PKD1L1: variants seen among roughly 807,000 people sequenced by gnomAD.
PKD1L1 encodes the protein polycystin-1-like protein 1.
A neutral mutation model predicts 323.4 loss-of-function variants in PKD1L1; 236 were observed. That is an observed-to-expected ratio of 0.73 (90% CI 0.66 to 0.81). PKD1L1 has a LOEUF of 0.81. Among genes scored for constraint, PKD1L1 ranks in the 40% least tolerant of loss-of-function variants. The pLI, the probability that PKD1L1 is intolerant of heterozygous loss-of-function variation, is 0.00. For missense variants in PKD1L1, 3,320 were observed against 3,508.0 expected (o/e 0.95, Z 1.35); for synonymous variants, 1,344 against 1,335.0 (o/e 1.01, Z -0.15).
chr7:47,929,285 C>T lies in PKD1L1; in HGVS notation c.979G>A (p.Gly327Arg), dbSNP rs376405760. 13 of 1,613,998 alleles carry T rather than the reference C, an allele frequency of 8.1e-6. No individual in the cohort carries two copies. The highest frequency in any genetic ancestry group is 2.2e-5 in the South Asian group (2 of 91,082). The change falls in exon 7 of 57, where the codon GGG becomes AGG. Residue 327 changes from glycine to arginine, a missense_variant. Gly to Arg is a moderately radical substitution (Grantham distance 125, BLOSUM62 -2). Transcript: ENST00000289672. Reference protein sequence around the residue: ...GEALCLMMDFGDSSGVEMRLH... With the variant: ...GEALCLMMDFRDSSGVEMRLH... ...CTCATTTCAACCCCAGAACTGTCCC[C>T]GAAATCCATCATCAGACAGAGAGCC...
chr7:47,830,490 G>A (rs992197754), intron 42 of PKD1L1, among the ~76,000 whole-genome samples: 1 of 152,190 alleles, frequency 6.6e-6, no homozygotes. Context: ...GCAGGGGCAG[G>A]CATGATGCTA....
intron 7 of PKD1L1, 102 bp from the exon 8 acceptor site, chr7:47,915,701 C>A: frequency 1.5e-6 from 1 of 682,104 alleles, no homozygotes; most frequent in Non-Finnish European, 2.3e-6. Flanking sequence ...TTTAAATAAA[C>A]TAATGAAAAT....
chr7:47,814,612 G>A (rs1784975842), intron 47 of PKD1L1, among the ~76,000 whole-genome samples: 1 of 152,122 alleles, frequency 6.6e-6, no homozygotes, highest in Non-Finnish European at 1.5e-5. Context: ...CACCTCTCAG[G>A]TTCAAGCAAT....
At chr7:47,864,617 TTTCTTTCTTTCTTTCTTTCC>T (rs1426926205) in intron 26 of PKD1L1, among the ~76,000 whole-genome samples, 55 of 122,966 alleles carry the variant, frequency 4.5e-4, no homozygotes, top group African/African-American at 1.9e-3. Context: ...TCTTTCTTTC[TTTCTTTCTTTCTTTCTTTCC>T]TTCCTTCCTT....
At chr7:47,889,674 C>T (rs1345163840) in intron 16 of PKD1L1, among the ~76,000 whole-genome samples, 1 of 152,170 alleles carries the variant, frequency 6.6e-6, no homozygotes, top group East Asian at 1.9e-4. Flanking sequence ...TCCCAAACCA[C>T]CCAGCCCACA....
Position 47,865,221 on chromosome 7 carries a change from T to G in PKD1L1, c.4144A>C (p.Asn1382His). Residue 1382 changes from asparagine (N) to histidine (H), a missense_variant, in exon 26 of 57, where the codon AAT (asparagine) becomes CAT (histidine). Transcript: ENST00000289672. Reference protein sequence around the residue: ...LMLRDLVSFSNKLGFMSAVLI... With the variant: ...LMLRDLVSFSHKLGFMSAVLI... ...TGGGAAAAAATTGCACTTACCTTAT[T>G]AGAGAAGCTCACGAGGTCCCTCAAC... 6.2e-7 allele frequency: 1 copy of G among 1,612,604 alleles called. No individual in the cohort carries two copies. The highest frequency in any genetic ancestry group is 8.5e-7 in the Non-Finnish European group (1 of 1,179,202).
At chr7:47,919,149 C>T (rs1169322191) in intron 7 of PKD1L1, among the ~76,000 whole-genome samples, 8 of 151,956 alleles carry the variant, frequency 5.3e-5, no homozygotes, top group Non-Finnish European at 1.0e-4. Flanking sequence ...AAAAAGAAGA[C>T]AGAAAATCCA....
In PKD1L1 at chr7:47,908,208, T is replaced by C; in HGVS notation, c.1271A>G (p.His424Arg). ...AGGCCCAAGCTCCACTTCGGTTCCA[T>C]GAAACTCGTTATAAATAACAGCCTT... ...MLKAVIYNEFHGTEVELGPYY... is the reference protein window; with the variant it reads ...MLKAVIYNEFRGTEVELGPYY... The change falls in exon 9 of 57, where the codon CAT (histidine) becomes CGT (arginine). Residue 424 changes from histidine to arginine, a missense_variant. Physicochemically the swap from His to Arg is conservative, Grantham distance 29 (BLOSUM62 0). Transcript: ENST00000289672. 3 of 1,614,208 alleles carry C rather than the reference T, an allele frequency of 1.9e-6. No individual in the cohort carries two copies. Among genetic ancestry groups the C allele is most frequent in the Admixed American group, 1.7e-5 (1 of 60,018 alleles).
intron 10 of PKD1L1, 37 bp from the exon 11 acceptor site, chr7:47,905,362 A>C (rs776940489): frequency 6.3e-7 from 1 of 1,597,424 alleles, no homozygotes; most frequent in Non-Finnish European, 8.5e-7. Flanking sequence ...CTATGTCAAC[A>C]TAGGAGGGCT....
chr7:47,915,889 A>G (rs2128752813), intron 7 of PKD1L1, among the ~76,000 whole-genome samples: 1 of 152,304 alleles, frequency 6.6e-6, no homozygotes, highest in South Asian at 2.1e-4. Context: ...ACTTGAAAGA[A>G]CTAACTAGTG....
At position 47,855,161 on chromosome 7, in the gene PKD1L1, A is replaced by G. The variant is rs1583622612; in HGVS notation, c.4695T>C (p.Asp1565=). Residue 1565 remains aspartate, a synonymous_variant, in exon 29 of 57, where the codon GAT becomes GAC. Transcript: ENST00000289672. ...KPVMVEFGEE[D]GLDNRRNKTT... The stretch of plus-strand genomic sequence containing the variant: ...TGAGAAAGGCTCTCCTTACCAGGCC[A>G]TCCTCCTCCCCAAACTCGACCATCA... 6.2e-7 allele frequency: 1 copy of G among 1,614,058 alleles called. No homozygotes were observed. The highest frequency in any genetic ancestry group is 8.5e-7 in the Non-Finnish European group (1 of 1,179,926).
intron 34 of PKD1L1, 127 bp downstream of exon 34, chr7:47,842,835 T>C: frequency 1.1e-6 from 1 of 879,818 alleles, no homozygotes. Flanking sequence ...GGGCAAGCTT[T>C]GCCTCAGCAA....
chr7:47,902,775 A>G (rs1787119981), intron 12 of PKD1L1, among the ~76,000 whole-genome samples: 1 of 152,220 alleles, frequency 6.6e-6, no homozygotes, highest in African/African-American at 2.4e-5. Context: ...ATATTCAAAC[A>G]ATACATCTAT....
At chr7:47,903,594 G>A (rs967825741) in intron 12 of PKD1L1, among the ~76,000 whole-genome samples, 7 of 152,198 alleles carry the variant, frequency 4.6e-5, no homozygotes, top group African/African-American at 1.7e-4. Context: ...CTGCAGTGTG[G>A]GTTCTCATGG....
chr7:47,927,948 G>A (rs1375527525), intron 7 of PKD1L1, among the ~76,000 whole-genome samples: 1 of 152,196 alleles, frequency 6.6e-6, no homozygotes, highest in East Asian at 1.9e-4. Context: ...AGAAAGAGCT[G>A]AATAGATTTG....
chr7:47,857,854 G>A (rs749966217), intron 27 of PKD1L1, 22 bp from the exon 28 acceptor site: 10 of 1,604,396 alleles, frequency 6.2e-6, no homozygotes, highest in African/African-American at 4.0e-5. Context: ...AGCATAGGGA[G>A]TGGGATGTTT....
chr7:47,879,080 T>C (rs4720621), intron 21 of PKD1L1, among the ~76,000 whole-genome samples: 54,921 of 152,066 alleles, frequency 0.36, 11,240 homozygotes, highest in African/African-American at 0.56. Context: ...CCGTCTTGTA[T>C]CCAAAGCAGG....
chr7:47,905,879 C>G lies in PKD1L1; in HGVS notation c.1486G>C (p.Ala496Pro). Reference protein sequence around the residue: ...ISQTQVGDSQAWHSMTVWYKM... With the variant: ...ISQTQVGDSQPWHSMTVWYKM... Reference sequence around the variant, plus strand: ...TACCAGACAGTCATGCTGTGCCAAGCCTGGCTGTCACCCACTTGAGTCTGA... The same window carrying G: ...TACCAGACAGTCATGCTGTGCCAAGGCTGGCTGTCACCCACTTGAGTCTGA... The change falls in exon 10 of 57, where the codon GCT becomes CCT. Residue 496 changes from alanine (A) to proline (P), a missense_variant. Coordinates refer to ENST00000289672, the MANE Select transcript of PKD1L1 (RefSeq NM_138295.5). 6.2e-7 allele frequency: 1 copy of G among 1,613,506 alleles called. No individual in the cohort carries two copies. The highest frequency in any genetic ancestry group is 8.5e-7 in the Non-Finnish European group (1 of 1,179,918).
At chr7:47,884,307 A>G (rs1274062587) in intron 19 of PKD1L1, among the ~76,000 whole-genome samples, 1 of 152,116 alleles carries the variant, frequency 6.6e-6, no homozygotes, top group African/African-American at 2.4e-5. Flanking sequence ...GGAGGAAGGC[A>G]TTTTTGGCAG....
Sources: gnomAD v4.1 joint callset for allele counts (sites outside exome capture counted in the v4.1 genomes callset) on GRCh38, gnomAD v4.1.1 for gene constraint, MANE v1.5 for transcripts, NCBI Gene and HGNC (gene_info 2026-07-23, HGNC 2026-07-21) for gene names.